ATG4A: variants seen among roughly 807,000 people sequenced by gnomAD.
ATG4A encodes the protein cysteine protease ATG4A.
Under a neutral mutation model 38.4 loss-of-function variants are expected in ATG4A, and 22 were observed. That is an observed-to-expected ratio of 0.57 (90% CI 0.41 to 0.82). ATG4A has a LOEUF of 0.82. Among genes scored for constraint, ATG4A ranks in the 40% least tolerant of loss-of-function variants. ATG4A has a pLI of 0.00. For missense variants in ATG4A, 220 were observed against 290.0 expected, an observed-to-expected ratio of 0.76 and a Z score of 1.75; for synonymous variants, 86 against 100.7, an observed-to-expected ratio of 0.85 and a Z score of 0.88.
At chrX:108,115,963 G>A (rs2032499294) in intron 1 of ATG4A, among the ~76,000 whole-genome samples, 2 of 112,000 alleles carry the variant, frequency 1.8e-5, no homozygotes, top group South Asian at 7.5e-4. Context: ...CACACAGTGG[G>A]CTGGGTCTTT....
At chrX:108,146,635 T>G (rs1219959910) in intron 9 of ATG4A, among the ~76,000 whole-genome samples, 1 of 111,729 alleles carries the variant, frequency 9.0e-6, no homozygotes, top group African/African-American at 3.3e-5. Flanking sequence ...CCCTCACAAA[T>G]CTATTTTGCA....
intron 7 of ATG4A, 152 bp downstream of exon 7, chrX:108,137,322 C>T (rs1273141181): frequency 4.6e-6 from 2 of 434,384 alleles, no homozygotes; most frequent in Non-Finnish European, 7.5e-6. Flanking sequence ...TCTTTCTTTT[C>T]AGCTTTCTGA....
At chrX:108,102,343 C>A (rs1010320975) in intron 1 of ATG4A, among the ~76,000 whole-genome samples, 2 of 111,645 alleles carry the variant, frequency 1.8e-5, no homozygotes, top group African/African-American at 6.5e-5. Context: ...ACCTGTTGGT[C>A]ATTTGTATGT....
At chrX:108,146,269 C>T in intron 9 of ATG4A, among the ~76,000 whole-genome samples, 1 of 111,897 alleles carries the variant, frequency 8.9e-6, no homozygotes, top group Middle Eastern at 4.6e-3. Context: ...GTGCATTCGA[C>T]CTAGAAGTTT....
chrX:108,114,344 T>C (rs1200694368), intron 1 of ATG4A, among the ~76,000 whole-genome samples: 1 of 111,792 alleles, frequency 8.9e-6, no homozygotes, highest in Non-Finnish European at 1.9e-5. Flanking sequence ...ATCTCTATTT[T>C]ATGGCTGAGG....
intron 6 of ATG4A, among the ~76,000 whole-genome samples, chrX:108,136,351 G>C (rs992577494): frequency 1.8e-5 from 2 of 111,258 alleles, no homozygotes; most frequent in Non-Finnish European, 3.8e-5. Flanking sequence ...AACTGGCAAG[G>C]AAAGAAGAAG....
In ATG4A at chrX:108,131,725, A is replaced by G. The variant is rs146189412; in HGVS notation, c.292+367A>G. Among the ~76,000 whole-genome samples, 629 of 111,980 alleles carry G rather than the reference A, an allele frequency of 5.6e-3. 6 individuals are homozygous for G. The highest frequency in any genetic ancestry group is 0.019 in the African/African-American group (592 of 30,841). ...GTGATTAAGTCTGTTTCTTGACCTC[A>G]TTTAAGATATCTGCCTGGTGAAGGA... On this transcript the variant is annotated intron_variant, in intron 4 of 12. Coordinates refer to ENST00000372232, the MANE Select transcript of ATG4A (RefSeq NM_052936.5).
At chrX:108,141,037 T>C (rs1373327086) in intron 9 of ATG4A, among the ~76,000 whole-genome samples, 3 of 72,768 alleles carry the variant, frequency 4.1e-5, no homozygotes, top group East Asian at 8.4e-4. Flanking sequence ...TATACATATA[T>C]ACATATATAT....
chrX:108,145,750 A>G (rs766530538), intron 9 of ATG4A, among the ~76,000 whole-genome samples: 2 of 112,054 alleles, frequency 1.8e-5, no homozygotes, highest in East Asian at 5.6e-4. Flanking sequence ...TTCTCACTGT[A>G]ATAGCCCTCA....
At chrX:108,108,374 T>A (rs1226411889) in intron 1 of ATG4A, among the ~76,000 whole-genome samples, 1 of 108,560 alleles carries the variant, frequency 9.2e-6, no homozygotes. Flanking sequence ...ATATATATAT[T>A]TATTTATTTA....
In ATG4A at chrX:108,150,159, G is replaced by C; in HGVS notation, c.822G>C (p.Glu274Asp). 2 of 1,211,605 alleles carry C rather than the reference G, an allele frequency of 1.7e-6. No homozygotes were observed. Among genetic ancestry groups the C allele is most frequent in the Non-Finnish European group, 2.2e-6 (2 of 895,352 alleles). The change falls in exon 10 of 13, where the codon GAG (glutamate) becomes GAC (aspartate). Residue 274 changes from glutamate (E) to aspartate (D), a missense_variant. Coordinates refer to ENST00000372232, the MANE Select transcript of ATG4A (RefSeq NM_052936.5). ...ATATCTCCTTCAAAACAGGTGACGA[G>C]CTCATCTTCTTGGACCCTCATACAA... ...AYYFIGFLGD[E>D]LIFLDPHTTQ...
At chrX:108,141,413 A>G (rs2033292635) in intron 9 of ATG4A, among the ~76,000 whole-genome samples, 1 of 110,624 alleles carries the variant, frequency 9.0e-6, no homozygotes, top group Admixed American at 9.7e-5. Context: ...TCTGTTTTAC[A>G]TGCAGTGAAA....
At chrX:108,091,080 TAC>T (rs2147944815), upstream of ATG4A, among the ~76,000 whole-genome samples, 1 of 113,613 alleles carries the variant, frequency 8.8e-6, no homozygotes, top group South Asian at 3.5e-4. Flanking sequence ...CGTTACTGAA[TAC>T]AGTTACTAGT....
At position 108,153,918 on chromosome X, in the gene ATG4A, T is replaced by C. The variant is rs972696036; in HGVS notation, c.*206T>C. The C allele has an allele frequency of 1.4e-5, 5 of 353,293 alleles. No individual in the cohort carries two copies. The highest frequency in any genetic ancestry group is 5.1e-5 in the Admixed American group (1 of 19,610). The allele number at this position is 353,293 out of a possible 1,213,427, so 29.1% of individuals were successfully genotyped here. On this transcript the variant is annotated 3_prime_UTR_variant, in exon 13 of 13. Coordinates refer to ENST00000372232, the MANE Select transcript of ATG4A (RefSeq NM_052936.5). ...ACAGTAACCCTTCCCCGGAAAGAAA[T>C]AGAACAATCATGGAGCCTAGGAGCA...
At chrX:108,125,368 C>T (rs1009321393) in intron 1 of ATG4A, among the ~76,000 whole-genome samples, 1 of 110,931 alleles carries the variant, frequency 9.0e-6, no homozygotes, top group Non-Finnish European at 1.9e-5. Context: ...AGAAAAGATG[C>T]ACGTAGCATC....
intron 1 of ATG4A, among the ~76,000 whole-genome samples, chrX:108,093,969 C>T (rs2031723551): frequency 9.0e-6 from 1 of 111,456 alleles, no homozygotes; most frequent in Admixed American, 9.5e-5. Flanking sequence ...GATCAAGTCC[C>T]TGAGAGATAT....
At chrX:108,144,902 G>A (rs750689410) in intron 9 of ATG4A, among the ~76,000 whole-genome samples, 7 of 112,132 alleles carry the variant, frequency 6.2e-5, no homozygotes, top group African/African-American at 1.3e-4. Context: ...TGCACTGCTC[G>A]AAGTTATGCC....
chrX:108,115,842 T>G lies in ATG4A; in HGVS notation c.11-10235T>G, dbSNP rs187955934. ...TAATGAAGGAACTGATGGCTAACCATCTTATAAGAAAACCCACTTTATGAA... is the reference window on the plus strand; with the variant it reads ...TAATGAAGGAACTGATGGCTAACCAGCTTATAAGAAAACCCACTTTATGAA... On this transcript the variant is annotated intron_variant, in intron 1 of 12. Transcript: ENST00000372232. Among the ~76,000 whole-genome samples the G allele has an allele frequency of 1.7e-3, 186 of 112,495 alleles. 1 individual carries two copies. The highest frequency in any genetic ancestry group is 2.8e-3 in the Non-Finnish European group (150 of 53,281).
At chrX:108,091,864 G>T (rs367763534) in intron 1 of ATG4A, 28 bp downstream of exon 1, 19 of 1,208,745 alleles carry the variant, frequency 1.6e-5, no homozygotes, top group Non-Finnish European at 2.0e-5. Context: ...GAGTGGAACC[G>T]TGTGAAAGAG....
Sources: allele counts gnomAD v4.1 joint callset (sites outside exome capture counted in the v4.1 genomes callset), GRCh38; gene constraint gnomAD v4.1.1; transcripts MANE v1.5; gene names NCBI Gene and HGNC (gene_info 2026-07-23, HGNC 2026-07-21).